ZDHHC2: variants seen among roughly 807,000 people sequenced by gnomAD.
The protein encoded by ZDHHC2 is palmitoyltransferase ZDHHC2.
In ZDHHC2, 51 loss-of-function variants were observed where a neutral mutation model predicts 55.6. That is an observed-to-expected ratio of 0.92 (90% CI 0.73 to 1.16). The LOEUF (loss-of-function observed/expected upper bound fraction) is 1.16. Among genes scored for constraint, ZDHHC2 ranks in the 50% most tolerant of loss-of-function variants. The probability of loss-of-function intolerance (pLI) is 0.00; values close to 1 mark genes in which losing one functional copy is unlikely to be tolerated. For missense variants in ZDHHC2, 491 were observed against 442.4 expected (o/e 1.11, Z -0.99); for synonymous variants, 199 against 152.9 (o/e 1.30, Z -2.22).
At chr8:17,187,532 T>C (rs566806916) in intron 3 of ZDHHC2, among the ~76,000 whole-genome samples, 76 of 152,222 alleles carry the variant, frequency 5.0e-4, no homozygotes, top group African/African-American at 1.8e-3. Flanking sequence ...AAACCACAGA[T>C]GTTTGCGCAG....
rs199522380 is a variant in ZDHHC2 at position 17,198,387 on chromosome 8, T to C, written c.450T>C (p.Ile150=). Reference sequence around the variant, plus strand: ...GTTCTGCTTTGTTTTTTAGATGTATTTTGAAGATGGATCATCATTGTCCAT... The same window carrying C: ...GTTCTGCTTTGTTTTTTAGATGTATCTTGAAGATGGATCATCATTGTCCAT... ...CHHCSVCDKC[I]LKMDHHCPWV... is the part of the protein sequence containing the mutation. The change falls in exon 6 of 13, where the codon ATT becomes ATC. Residue 150 remains isoleucine (I), a synonymous_variant. Coordinates refer to ENST00000262096, the MANE Select transcript of ZDHHC2 (RefSeq NM_016353.5). 2.7e-5 allele frequency: 44 copies of C among 1,603,062 alleles called. No homozygotes were observed. The African/African-American group carries it at 5.0e-4, about 18-fold the overall frequency.
chr8:17,168,997 G>C (rs1458416691), intron 1 of ZDHHC2, among the ~76,000 whole-genome samples: 2 of 152,148 alleles, frequency 1.3e-5, no homozygotes, highest in African/African-American at 2.4e-5. Flanking sequence ...ACAGTATACA[G>C]AAATACCTGT....
Position 17,198,372 on chromosome 8 carries a change from GT to G in ZDHHC2, c.444-3del. 1 of 1,600,124 alleles carries G rather than the reference GT, an allele frequency of 6.2e-7. No homozygotes were observed. Among genetic ancestry groups the G allele is most frequent in the Non-Finnish European group, 8.5e-7 (1 of 1,173,866 alleles). ...GGTATTAGGTTTTGTGTTCTGCTTT[GT>G]TTTTTAGATGTATTTTGAAGATGGA... On this transcript the variant is annotated splice_polypyrimidine_tract_variant and splice_region_variant and intron_variant, in intron 5 of 12. Coordinates refer to ENST00000262096, the MANE Select transcript of ZDHHC2 (RefSeq NM_016353.5).
chr8:17,173,255 G>C (rs1448000884), intron 1 of ZDHHC2, among the ~76,000 whole-genome samples: 1 of 152,204 alleles, frequency 6.6e-6, no homozygotes, highest in Non-Finnish European at 1.5e-5. Flanking sequence ...CCTATATGTA[G>C]ATCCCATCAT....
chr8:17,190,532 C>T (rs1371309665), intron 3 of ZDHHC2, among the ~76,000 whole-genome samples: 1 of 152,018 alleles, frequency 6.6e-6, no homozygotes, highest in Non-Finnish European at 1.5e-5. Flanking sequence ...TAAAATTTGC[C>T]CTTTTCATAG....
At chr8:17,185,995 G>C (rs2150907854) in intron 2 of ZDHHC2, among the ~76,000 whole-genome samples, 1 of 152,246 alleles carries the variant, frequency 6.6e-6, no homozygotes, top group East Asian at 1.9e-4. Context: ...TTAATGCTGT[G>C]TTTGCTGTTT....
chr8:17,156,744 C>T lies in ZDHHC2; in HGVS notation c.21C>T (p.Gly7=), dbSNP rs1804067660. 2 of 1,494,238 alleles carry T rather than the reference C, an allele frequency of 1.3e-6. No individual in the cohort carries two copies. The highest frequency in any genetic ancestry group is 1.3e-5 in the South Asian group (1 of 79,702). 92.6% of individuals were successfully genotyped at this position (1,494,238 alleles called of 1,614,324 possible). The change falls in exon 1 of 13, where the codon GGC becomes GGT. Residue 7 remains glycine, a synonymous_variant. Transcript: ENST00000262096. MAPSGP[G]SSARRRCRRV... is the part of the protein sequence containing the mutation. ...GGAAGATGGCGCCCTCGGGCCCGGG[C>T]AGCAGCGCCAGGCGGCGGTGCCGGC... is the stretch of plus-strand genomic sequence containing the variant.
chr8:17,174,395 G>A (rs1393800292), intron 1 of ZDHHC2, among the ~76,000 whole-genome samples: 2 of 152,154 alleles, frequency 1.3e-5, no homozygotes, highest in African/African-American at 2.4e-5. Context: ...ACGAAGACTT[G>A]GAATGCGATG....
chr8:17,176,164 A>G (rs1028689556), intron 1 of ZDHHC2, among the ~76,000 whole-genome samples: 4 of 152,204 alleles, frequency 2.6e-5, no homozygotes, highest in Admixed American at 2.0e-4. Flanking sequence ...TTCTTATTGC[A>G]AAATGAATTT....
chr8:17,200,795 C>T (rs1232315048), intron 6 of ZDHHC2, among the ~76,000 whole-genome samples: 1 of 152,168 alleles, frequency 6.6e-6, no homozygotes, highest in African/African-American at 2.4e-5. Context: ...GGTTCCATGG[C>T]ATGCCTACAC....
intron 12 of ZDHHC2, among the ~76,000 whole-genome samples, chr8:17,218,600 G>C (rs1396260731): frequency 6.6e-6 from 1 of 152,026 alleles, no homozygotes; most frequent in Non-Finnish European, 1.5e-5. Flanking sequence ...ACACATAGTA[G>C]TTTCTCAACA....
At chr8:17,200,099 G>A (rs1806670452) in intron 6 of ZDHHC2, among the ~76,000 whole-genome samples, 1 of 152,126 alleles carries the variant, frequency 6.6e-6, no homozygotes, top group South Asian at 2.1e-4. Context: ...GACTTCCCCT[G>A]CAGCTGCTGT....
intron 6 of ZDHHC2, among the ~76,000 whole-genome samples, chr8:17,199,725 T>C (rs1210812445): frequency 2.7e-5 from 4 of 150,602 alleles, no homozygotes; most frequent in Admixed American, 2.0e-4. Flanking sequence ...CTTCCTTCTT[T>C]CTTCTTTTTC....
At chr8:17,211,067 C>T (rs1232719051) in intron 10 of ZDHHC2, among the ~76,000 whole-genome samples, 1 of 152,138 alleles carries the variant, frequency 6.6e-6, no homozygotes, top group East Asian at 1.9e-4. Context: ...TGTTTTGATT[C>T]CAGACTATCA....
intron 1 of ZDHHC2, among the ~76,000 whole-genome samples, chr8:17,171,232 A>G (rs1458770132): frequency 4.6e-5 from 7 of 152,234 alleles, no homozygotes; most frequent in South Asian, 2.1e-4. Context: ...ATACAACTCT[A>G]TCTAAACAGG....
In ZDHHC2 at chr8:17,217,176, G is replaced by A. The variant is rs568589179; in HGVS notation, c.1068G>A (p.Met356Ile). Residue 356 changes from methionine (M) to isoleucine (I), a missense_variant, in exon 12 of 13, where the codon ATG becomes ATA. By Grantham distance (10) the Met-to-Ile change is conservative (BLOSUM62 1). Coordinates refer to ENST00000262096, the MANE Select transcript of ZDHHC2 (RefSeq NM_016353.5). ...AACTTATGTGCTTTCATTAAGGTAT[G>A]AGCAATCCTGCATTAACCATGGAAA... ...SINPGKCKAG[M>I]SNPALTMENE... 2 of 1,611,258 alleles carry A rather than the reference G, an allele frequency of 1.2e-6. No individual in the cohort carries two copies. The highest frequency in any genetic ancestry group is 2.7e-5 in the African/African-American group (2 of 74,796).
chr8:17,219,077 C>A (rs866050720), intron 12 of ZDHHC2, among the ~76,000 whole-genome samples: 1 of 151,548 alleles, frequency 6.6e-6, no homozygotes, highest in South Asian at 2.1e-4. Context: ...AGGTGAAACC[C>A]CATCTCTACT....
rs2904681 is a variant in ZDHHC2 at position 17,210,377 on chromosome 8, T to A, written c.858-11T>A. The A allele has an allele frequency of 6.2e-7, 1 of 1,607,374 alleles. No homozygotes were observed. Among genetic ancestry groups the A allele is most frequent in the Non-Finnish European group, 8.5e-7 (1 of 1,178,066 alleles). On this transcript the variant is annotated splice_polypyrimidine_tract_variant and intron_variant, in intron 9 of 12. Coordinates refer to ENST00000262096, the MANE Select transcript of ZDHHC2 (RefSeq NM_016353.5). The stretch of plus-strand genomic sequence containing the variant: ...GTATGGTTCAGTTCTAAATTTTTAT[T>A]TTAATTCTAGTCTAGGTGATGGCTG...
chr8:17,209,740 GTA>G (rs1807281921), intron 8 of ZDHHC2, among the ~76,000 whole-genome samples, 190 bp from the exon 9 acceptor site: 2 of 152,066 alleles, frequency 1.3e-5, no homozygotes, highest in South Asian at 4.1e-4. Flanking sequence ...ATTAAAATAG[GTA>G]TATCTTATGA....
Sources: allele counts gnomAD v4.1 joint callset (sites outside exome capture counted in the v4.1 genomes callset), GRCh38; gene constraint gnomAD v4.1.1; transcripts MANE v1.5; gene names NCBI Gene and HGNC (gene_info 2026-07-23, HGNC 2026-07-21).